The following KCNQ3 variants were observed in gnomAD, a reference collection of about 807,000 sequenced individuals.
KCNQ3 encodes the protein potassium voltage-gated channel subfamily Q member 3.
Under a neutral mutation model 92.5 loss-of-function variants are expected in KCNQ3, and 30 were observed. The ratio of observed to expected loss-of-function variants is 0.32; its 90% CI spans 0.24 to 0.44. The LOEUF (loss-of-function observed/expected upper bound fraction) is 0.44. Ranked by LOEUF, KCNQ3 falls within the 20% of genes least tolerant of loss-of-function variation. KCNQ3 has a pLI of 1.00. For missense variants in KCNQ3, 913 were observed against 1,140.3 expected, an observed-to-expected ratio of 0.80 and a Z score of 2.87; for synonymous variants, 450 against 468.8, an observed-to-expected ratio of 0.96 and a Z score of 0.52.
chr8:132,163,371 C>CCAG, intron 9 of KCNQ3, 97 bp downstream of exon 9: 2 of 994,666 alleles, frequency 2.0e-6, no homozygotes, highest in Non-Finnish European at 3.2e-6. Flanking sequence ...TATCTTGGGA[C>CCAG]CAGCATGACC....
intron 1 of KCNQ3, among the ~76,000 whole-genome samples, chr8:132,336,512 G>A (rs1257303587): frequency 6.6e-6 from 1 of 152,178 alleles, no homozygotes; most frequent in Non-Finnish European, 1.5e-5. Flanking sequence ...TGACCACAAA[G>A]AGTAAAAGGC....
At chr8:132,228,455 A>G (rs995225144) in intron 1 of KCNQ3, among the ~76,000 whole-genome samples, 6 of 152,320 alleles carry the variant, frequency 3.9e-5, no homozygotes, top group African/African-American at 1.4e-4. Flanking sequence ...CGAAAGAAAC[A>G]ATCCACAGTC....
chr8:132,199,374 T>C lies in KCNQ3; in HGVS notation c.387-13193A>G, dbSNP rs151223900. 1.4e-3 allele frequency among the ~76,000 whole-genome samples: 219 copies of C among 152,338 alleles called. 1 individual carries two copies. The highest frequency in any genetic ancestry group is 4.9e-3 in the African/African-American group (203 of 41,592). On this transcript the variant is annotated intron_variant, in intron 1 of 14. Transcript: ENST00000388996. Reference sequence around the variant, plus strand: ...AAAAATTAGAGCACAGTTGCAATTATAACCTAACTTTTTGTTAAGTGTGAG... The same window carrying C: ...AAAAATTAGAGCACAGTTGCAATTACAACCTAACTTTTTGTTAAGTGTGAG...
chr8:132,402,894 G>A (rs1013062663), intron 1 of KCNQ3, among the ~76,000 whole-genome samples: 4 of 151,308 alleles, frequency 2.6e-5, no homozygotes, highest in African/African-American at 9.7e-5. Context: ...GTGCATGCCT[G>A]TAGTCCCAGC....
At chr8:132,400,209 G>C (rs773556689) in intron 1 of KCNQ3, among the ~76,000 whole-genome samples, 1 of 152,136 alleles carries the variant, frequency 6.6e-6, no homozygotes, top group African/African-American at 2.4e-5. Context: ...CTCTTGTCTG[G>C]AATCTGCCTC....
At chr8:132,468,443 A>G (rs1266946033) in intron 1 of KCNQ3, among the ~76,000 whole-genome samples, 1 of 152,236 alleles carries the variant, frequency 6.6e-6, no homozygotes, top group African/African-American at 2.4e-5. Flanking sequence ...ATGAGTTTAC[A>G]AAGAACCTAA....
chr8:132,458,298 T>A (rs1445924854), intron 1 of KCNQ3, among the ~76,000 whole-genome samples: 1 of 152,210 alleles, frequency 6.6e-6, no homozygotes, highest in African/African-American at 2.4e-5. Context: ...CTTCCCATCA[T>A]ATCTTTCTGG....
At chr8:132,307,998 C>G (rs1817480633) in intron 1 of KCNQ3, among the ~76,000 whole-genome samples, 1 of 152,176 alleles carries the variant, frequency 6.6e-6, no homozygotes, top group African/African-American at 2.4e-5. Flanking sequence ...GGATGGCAAC[C>G]CTTGCCTCCT....
chr8:132,180,069 T>C (rs1326901500), intron 4 of KCNQ3, 88 bp downstream of exon 4: 1 of 1,416,022 alleles, frequency 7.1e-7, no homozygotes, highest in East Asian at 2.3e-5. Context: ...GACTGCCTTC[T>C]GGGGACACTG....
At chr8:132,207,741 A>G (rs1813710628) in intron 1 of KCNQ3, among the ~76,000 whole-genome samples, 1 of 151,808 alleles carries the variant, frequency 6.6e-6, no homozygotes, top group Admixed American at 6.6e-5. Context: ...CTTTCTACAA[A>G]TGGCCCCACT....
At chr8:132,260,758 C>T (rs150041931) in intron 1 of KCNQ3, among the ~76,000 whole-genome samples, 90 of 152,144 alleles carry the variant, frequency 5.9e-4, no homozygotes, top group African/African-American at 2.2e-3. Flanking sequence ...ATCCAACACT[C>T]CATCCATCCA....
Position 132,226,373 on chromosome 8 carries a change from A to G in KCNQ3, c.387-40192T>C, listed in dbSNP as rs182384253. Among the ~76,000 whole-genome samples, 12 of 152,158 alleles carry G rather than the reference A, an allele frequency of 7.9e-5. No homozygotes were observed. The East Asian group carries it at 2.3e-3, about 29-fold the overall frequency. On this transcript the variant is annotated intron_variant, in intron 1 of 14. Transcript: ENST00000388996. ...TGTATAATGTTTCTATCCCCTGCTGATGGAAAAAGGTGTATATGTGTGTGC... is the reference window on the plus strand; with the variant it reads ...TGTATAATGTTTCTATCCCCTGCTGGTGGAAAAAGGTGTATATGTGTGTGC...
chr8:132,287,116 A>G (rs1816699624), intron 1 of KCNQ3, among the ~76,000 whole-genome samples: 1 of 152,240 alleles, frequency 6.6e-6, no homozygotes, highest in African/African-American at 2.4e-5. Flanking sequence ...AAAATACTTT[A>G]GATACAATAA....
intron 8 of KCNQ3, among the ~76,000 whole-genome samples, chr8:132,168,041 A>G (rs1418934836): frequency 6.6e-6 from 1 of 152,230 alleles, no homozygotes; most frequent in Non-Finnish European, 1.5e-5. Context: ...AAGTAAGTCT[A>G]GTTACAAGTA....
chr8:132,369,545 T>C (rs1274484694), intron 1 of KCNQ3, among the ~76,000 whole-genome samples: 5 of 151,096 alleles, frequency 3.3e-5, no homozygotes, highest in African/African-American at 1.2e-4. Flanking sequence ...TATCTCATGG[T>C]ACTACAAAGT....
chr8:132,140,936 GAA>G (rs1825274852), intron 10 of KCNQ3, 191 bp downstream of exon 10: 1 of 623,758 alleles, frequency 1.6e-6, no homozygotes, highest in African/African-American at 1.8e-5. Context: ...AGACTCCTGG[GAA>G]TACATCACAA....
intron 1 of KCNQ3, among the ~76,000 whole-genome samples, chr8:132,300,882 T>C (rs560496448): frequency 7.9e-5 from 12 of 152,280 alleles, no homozygotes; most frequent in African/African-American, 2.4e-4. Context: ...GGGCAGATGA[T>C]GAATGAGCAG....
In KCNQ3 at chr8:132,447,427, GT is replaced by G. The variant is rs889258980; in HGVS notation, c.386+32719del. On this transcript the variant is annotated intron_variant, in intron 1 of 14. Coordinates refer to ENST00000388996, the MANE Select transcript of KCNQ3 (RefSeq NM_004519.4). ...AGAAAAGGAAGAAGGTGGGGAAGAGGTGGTGGAGGGGTACCTGTGCGTGGGC... is the reference window on the plus strand; with the variant it reads ...AGAAAAGGAAGAAGGTGGGGAAGAGGGGTGGAGGGGTACCTGTGCGTGGGC... Among the ~76,000 whole-genome samples the G allele has an allele frequency of 6.6e-5, 10 of 152,284 alleles. No homozygotes were observed. In the South Asian group the frequency reaches 1.0e-3, roughly 16 times the overall value.
chr8:132,465,273 T>TA, intron 1 of KCNQ3, among the ~76,000 whole-genome samples: 1 of 152,216 alleles, frequency 6.6e-6, no homozygotes, highest in Non-Finnish European at 1.5e-5. Context: ...ATAAATTAGT[T>TA]AAGATTCTTC....
Sources: gnomAD v4.1 joint callset for allele counts (sites outside exome capture counted in the v4.1 genomes callset) on GRCh38, gnomAD v4.1.1 for gene constraint, MANE v1.5 for transcripts, NCBI Gene and HGNC (gene_info 2026-07-23, HGNC 2026-07-21) for gene names.